Variants in WWOX observed in about 807,000 individuals in gnomAD.
WWOX encodes the protein WW domain containing oxidoreductase, also known as WW domain-containing oxidoreductase.
Under a neutral mutation model 46.2 loss-of-function variants are expected in WWOX, and 69 were observed. The observed-to-expected ratio is 1.49, with a 90% confidence interval of 1.23 to 1.82. WWOX has a LOEUF of 1.82. WWOX is among the 40% of genes most tolerant of loss of function. The pLI, the probability that WWOX is intolerant of heterozygous loss-of-function variation, is 0.00. For missense variants in WWOX, 919 were observed against 542.6 expected (o/e 1.69, Z -6.89); for synonymous variants, 359 against 202.6 (o/e 1.77, Z -6.56).
intron 8 of WWOX, among the ~76,000 whole-genome samples, chr16:78,575,040 T>TAA (rs2044830368): frequency 4.9e-4 from 2 of 4,110 alleles, no homozygotes; most frequent in Non-Finnish European, 9.7e-4. Context: ...TATATATATA[T>TAA]ATATATATAT....
intron 8 of WWOX, among the ~76,000 whole-genome samples, chr16:79,043,760 T>C (rs2048015735): frequency 6.6e-6 from 1 of 152,204 alleles, no homozygotes; most frequent in East Asian, 1.9e-4. Context: ...AATGATATTA[T>C]CAGACACCTT....
At chr16:78,677,669 C>T (rs188454956) in intron 8 of WWOX, among the ~76,000 whole-genome samples, 2 of 152,188 alleles carry the variant, frequency 1.3e-5, no homozygotes, top group African/African-American at 4.8e-5. Context: ...CTTTTTCCAT[C>T]TCTGGTCTCT....
At chr16:78,446,171 A>C (rs958045437) in intron 8 of WWOX, among the ~76,000 whole-genome samples, 1 of 152,256 alleles carries the variant, frequency 6.6e-6, no homozygotes, top group African/African-American at 2.4e-5. Flanking sequence ...GTAAACTATC[A>C]GTTTAATGTA....
chr16:79,154,915 T>TGAAA (rs778965650), intron 8 of WWOX, among the ~76,000 whole-genome samples: 30 of 152,130 alleles, frequency 2.0e-4, no homozygotes, highest in Non-Finnish European at 3.5e-4. Flanking sequence ...TTGGAAAAAA[T>TGAAA]GAAAGAAAGA....
intron 8 of WWOX, among the ~76,000 whole-genome samples, chr16:79,043,761 C>G (rs185023602): frequency 1.3e-5 from 2 of 152,162 alleles, no homozygotes; most frequent in South Asian, 4.1e-4. Flanking sequence ...ATGATATTAT[C>G]AGACACCTTT....
intron 4 of WWOX, among the ~76,000 whole-genome samples, chr16:78,125,238 G>A (rs1338671776): frequency 6.6e-6 from 1 of 152,128 alleles, no homozygotes; most frequent in Admixed American, 6.5e-5. Context: ...ATGTCGAAAG[G>A]AAAGAGAAGG....
At chr16:78,946,619 C>G (rs761278687) in intron 8 of WWOX, among the ~76,000 whole-genome samples, 3 of 152,156 alleles carry the variant, frequency 2.0e-5, no homozygotes, top group Non-Finnish European at 2.9e-5. Flanking sequence ...TTCTTTCTGT[C>G]TTCATCCTAG....
Position 78,338,660 on chromosome 16 carries a change from T to C in WWOX, c.517-48200T>C, listed in dbSNP as rs146198932. On this transcript the variant is annotated intron_variant, in intron 5 of 8. Coordinates refer to ENST00000566780, the MANE Select transcript of WWOX (RefSeq NM_016373.4). ...ATCTGCTATAAATTCAGTTGAAAAA[T>C]AGAAATAGTGAGAAATCCAGGTTGT... is the stretch of plus-strand genomic sequence containing the variant. 9.9e-5 allele frequency among the ~76,000 whole-genome samples: 12 copies of C among 121,172 alleles called. 1 individual carries two copies. Among genetic ancestry groups the C allele is most frequent in the East Asian group, 1.9e-4 (1 of 5,176 alleles). 79.5% of individuals were successfully genotyped at this position (121,172 alleles called of 152,430 possible).
At chr16:78,210,577 C>T (rs1273002499) in intron 5 of WWOX, among the ~76,000 whole-genome samples, 1 of 152,170 alleles carries the variant, frequency 6.6e-6, no homozygotes, top group Non-Finnish European at 1.5e-5. Context: ...CCTGCGTTTT[C>T]TCACCAGAGG....
At chr16:78,327,869 A>AT (rs762650030) in intron 5 of WWOX, among the ~76,000 whole-genome samples, 2,509 of 81,090 alleles carry the variant, frequency 0.031, 157 homozygotes, top group Non-Finnish European at 0.035. Context: ...ATGAGTCCTG[A>AT]TTTTTTTTTT....
intron 8 of WWOX, among the ~76,000 whole-genome samples, chr16:78,817,309 C>T (rs2051360106): frequency 6.8e-6 from 1 of 146,404 alleles, no homozygotes; most frequent in Non-Finnish European, 1.5e-5. Flanking sequence ...TGATAGAATT[C>T]TGATTAATGC....
In WWOX at chr16:78,546,170, G is replaced by A. The variant is rs565806759; in HGVS notation, c.1056+113418G>A. On this transcript the variant is annotated intron_variant, in intron 8 of 8. Coordinates refer to ENST00000566780, the MANE Select transcript of WWOX (RefSeq NM_016373.4). ...ATTAATCACAAAAAGCTAATACTATGACAAAGAATGTAAGTTACTAATACA... is the reference window on the plus strand; with the variant it reads ...ATTAATCACAAAAAGCTAATACTATAACAAAGAATGTAAGTTACTAATACA... Among the ~76,000 whole-genome samples the A allele has an allele frequency of 6.6e-5, 10 of 152,248 alleles. No homozygotes were observed. The East Asian group carries it at 1.2e-3, about 18-fold the overall frequency.
chr16:78,914,855 G>A (rs1039755998), intron 8 of WWOX, among the ~76,000 whole-genome samples: 13 of 149,302 alleles, frequency 8.7e-5, no homozygotes, highest in Non-Finnish European at 1.5e-4. Context: ...CTCCCGCCCG[G>A]GTGACAGAGC....
At chr16:79,118,983 T>A (rs1421667688) in intron 8 of WWOX, among the ~76,000 whole-genome samples, 1 of 152,348 alleles carries the variant, frequency 6.6e-6, no homozygotes, top group South Asian at 2.1e-4. Context: ...GTGATAAACA[T>A]CTCTGTGCAT....
intron 8 of WWOX, among the ~76,000 whole-genome samples, chr16:78,472,875 C>G (rs16947631): frequency 0.039 from 5,629 of 145,124 alleles, 218 homozygotes; most frequent in African/African-American, 0.094. Flanking sequence ...CAGAATAAAT[C>G]TTAGATCAAG....
intron 8 of WWOX, among the ~76,000 whole-genome samples, chr16:78,781,420 C>T (rs60425265): frequency 0.022 from 3,277 of 152,236 alleles, 142 homozygotes; most frequent in African/African-American, 0.074. Flanking sequence ...ACCTCTAGCC[C>T]ACCCTCTACC....
chr16:78,732,728 T>A (rs2048997203), intron 8 of WWOX, among the ~76,000 whole-genome samples: 1 of 152,178 alleles, frequency 6.6e-6, no homozygotes, highest in African/African-American at 2.4e-5. Context: ...TTGGTTAATT[T>A]AAATAAAATA....
intron 5 of WWOX, among the ~76,000 whole-genome samples, chr16:78,323,470 T>C (rs1015860588): frequency 6.6e-6 from 1 of 151,688 alleles, no homozygotes; most frequent in Non-Finnish European, 1.5e-5. Flanking sequence ...TAAATTGTTA[T>C]CAGGAGACCC....
chr16:78,919,667 A>T (rs2045332845), intron 8 of WWOX, among the ~76,000 whole-genome samples: 1 of 151,284 alleles, frequency 6.6e-6, no homozygotes, highest in Non-Finnish European at 1.5e-5. Flanking sequence ...ACAGGCACAC[A>T]CCACCACACC....
Sources: gnomAD v4.1 joint callset for allele counts (sites outside exome capture counted in the v4.1 genomes callset) on GRCh38, gnomAD v4.1.1 for gene constraint, MANE v1.5 for transcripts, NCBI Gene and HGNC (gene_info 2026-07-23, HGNC 2026-07-21) for gene names.